FLNC: variants seen among roughly 807,000 people sequenced by gnomAD.
The protein encoded by FLNC is filamin C, also known as filamin-C.
Under a neutral mutation model 254.3 loss-of-function variants are expected in FLNC, and 91 were observed. That is an observed-to-expected ratio of 0.36 (90% CI 0.30 to 0.43). The LOEUF (loss-of-function observed/expected upper bound fraction) is 0.43, where lower values mean the gene tolerates loss of function less well. Among genes scored for constraint, FLNC ranks in the 20% least tolerant of loss-of-function variants. FLNC has a pLI of 1.00. For synonymous variants in FLNC, 1,430 were observed against 1,577.2 expected (o/e 0.91, Z 2.21); for missense variants, 2,853 against 3,802.6 (o/e 0.75, Z 6.57).
intron 1 of FLNC, among the ~76,000 whole-genome samples, chr7:128,833,186 G>A (rs1362985025): frequency 1.3e-5 from 2 of 152,146 alleles, no homozygotes; most frequent in East Asian, 3.9e-4. Flanking sequence ...AGAGGCCTAT[G>A]AGGCAGCTCT....
In FLNC at chr7:128,844,787, G is replaced by A. The variant is rs781352216; in HGVS notation, c.3322G>A (p.Glu1108Lys). 17 of 1,613,982 alleles carry A rather than the reference G, an allele frequency of 1.1e-5. No homozygotes were observed. The South Asian group carries it at 1.3e-4, about 13-fold the overall frequency. Residue 1108 changes from glutamate to lysine, a missense_variant, in exon 21 of 48, where the codon GAG (glutamate) becomes AAG (lysine). By Grantham distance (56) the Glu-to-Lys change is moderately conservative (BLOSUM62 1). Around this residue, in one of 10 missense-constraint regions of FLNC, gnomAD observed 1,573 missense variants for 1,883.5 expected, o/e 0.84. Transcript: ENST00000325888. ...TVEGPCEAKI[E>K]CQDNGDGSCA... ...AGAGGGCCCCTGCGAGGCCAAGATC[G>A]AGTGCCAGGACAATGGTGATGGCTC... is the stretch of plus-strand genomic sequence containing the variant.
Position 128,837,167 on chromosome 7 carries a change from C to T in FLNC, c.609C>T (p.Cys203=), listed in dbSNP as rs1455396332. 1.3e-6 allele frequency: 2 copies of T among 1,599,470 alleles called. No individual in the cohort carries two copies. Among genetic ancestry groups the T allele is most frequent in the Non-Finnish European group, 1.7e-6 (2 of 1,173,450 alleles). ...CCTCCATCACCTCTCCAGGTCTCTGCCCCGACTGGGAGGCCTGGGACCCCA... is the reference window on the plus strand; with the variant it reads ...CCTCCATCACCTCTCCAGGTCTCTGTCCCGACTGGGAGGCCTGGGACCCCA... ...ALVDNCAPGL[C]PDWEAWDPNQ... Residue 203 remains cysteine (C), a synonymous_variant, in exon 3 of 48, where the codon TGC becomes TGT. Transcript: ENST00000325888.
chr7:128,850,615 T>G (rs1419391640), intron 32 of FLNC, 132 bp downstream of exon 32: 3 of 1,191,788 alleles, frequency 2.5e-6, no homozygotes, highest in Non-Finnish European at 3.7e-6. Flanking sequence ...ACACAGCAAG[T>G]TGGGCAGAGC....
chr7:128,854,231 C>T lies in FLNC; in HGVS notation c.6727+15C>T. 6.2e-7 allele frequency: 1 copy of T among 1,605,214 alleles called. No homozygotes were observed. Among genetic ancestry groups the T allele is most frequent in the Non-Finnish European group, 8.5e-7 (1 of 1,176,256 alleles). Reference sequence around the variant, plus strand: ...GCAGCAGGAGGGTGAGCACCGCACACTGGGCCGGCCGGGTCCTCACGGCGG... The same window carrying T: ...GCAGCAGGAGGGTGAGCACCGCACATTGGGCCGGCCGGGTCCTCACGGCGG... On this transcript the variant is annotated intron_variant, in intron 40 of 47. Transcript: ENST00000325888.
chr7:128,851,206 A>G, intron 33 of FLNC, 26 bp from the exon 34 acceptor site: 1 of 1,613,822 alleles, frequency 6.2e-7, no homozygotes, highest in East Asian at 2.2e-5. Flanking sequence ...ATGCTGACCC[A>G]GCCCCCTTTT....
At chr7:128,843,646 C>A in intron 18 of FLNC, 69 bp downstream of exon 18, 3 of 1,570,392 alleles carry the variant, frequency 1.9e-6, no homozygotes, top group Non-Finnish European at 2.6e-6. Flanking sequence ...CTCCTCCAGT[C>A]CCATGGGACC....
In FLNC at chr7:128,854,086, G is replaced by A. The variant is rs1808944046; in HGVS notation, c.6597G>A (p.Gly2199=). The A allele has an allele frequency of 1.9e-6, 3 of 1,613,042 alleles. No homozygotes were observed. The part of the protein sequence containing the change: ...ERTEISKTRG[G]ETKREVRVEE... ...CGGAGATCAGCAAGACGCGGGGCGG[G>A]GAGACAAAGCGCGAGGTGCGGGTGG... is the stretch of plus-strand genomic sequence containing the variant. Residue 2199 remains glycine, a synonymous_variant, in exon 40 of 48, where the codon GGG becomes GGA. Coordinates refer to ENST00000325888, the MANE Select transcript of FLNC (RefSeq NM_001458.5).
chr7:128,853,181 C>A, intron 37 of FLNC, 150 bp downstream of exon 37: 2 of 835,354 alleles, frequency 2.4e-6, no homozygotes, highest in Non-Finnish European at 4.0e-6. Context: ...GGGCCCCTTG[C>A]GGGAAAGTGA....
At chr7:128,831,049 G>A in intron 1 of FLNC, 60 bp downstream of exon 1, 1 of 1,539,984 alleles carries the variant, frequency 6.5e-7, no homozygotes. Context: ...ATGGGGCAGG[G>A]GCACAGGTGC....
Position 128,853,615 on chromosome 7 carries a change from G to A in FLNC, c.6355G>A (p.Val2119Met), listed in dbSNP as rs748095197. ...CAACATCAAGTTTGCTGACAAGCACGTGCCTGGTAAGGCTCTGGGCAGAGG... is the reference window on the plus strand; with the variant it reads ...CAACATCAAGTTTGCTGACAAGCACATGCCTGGTAAGGCTCTGGGCAGAGG... ...IINIKFADKH[V>M]PGSPFTVKVT... The change falls in exon 38 of 48, where the codon GTG becomes ATG. Residue 2119 changes from valine (V) to methionine (M), a missense_variant. Physicochemically the swap from Val to Met is conservative, Grantham distance 21. Coordinates refer to ENST00000325888, the MANE Select transcript of FLNC (RefSeq NM_001458.5). 5.0e-6 allele frequency: 8 copies of A among 1,614,154 alleles called. No individual in the cohort carries two copies. The African/African-American group carries it at 5.3e-5, about 11-fold the overall frequency.
chr7:128,850,928 G>A lies in FLNC; in HGVS notation c.5524G>A (p.Gly1842Ser), dbSNP rs756880490. Reference protein sequence around the residue: ...GLHQMGIKYDGNHIPGSPLQF... With the variant: ...GLHQMGIKYDSNHIPGSPLQF... ...GCACCAGATGGGGATCAAGTATGACGGCAACCACATCCCTGGTGAGTTAGG... is the reference window on the plus strand; with the variant it reads ...GCACCAGATGGGGATCAAGTATGACAGCAACCACATCCCTGGTGAGTTAGG... The change falls in exon 33 of 48, where the codon GGC (glycine) becomes AGC (serine). Residue 1842 changes from glycine (G) to serine (S), a missense_variant. Gly to Ser is a moderately conservative substitution (Grantham distance 56). Around this residue, in one of 10 missense-constraint regions of FLNC, gnomAD observed 258 missense variants for 312.3 expected, o/e 0.83. Coordinates refer to ENST00000325888, the MANE Select transcript of FLNC (RefSeq NM_001458.5). The A allele has an allele frequency of 9.9e-6, 16 of 1,613,566 alleles. No homozygotes were observed. The highest frequency in any genetic ancestry group is 8.0e-5 in the African/African-American group (6 of 74,848).
At position 128,854,049 on chromosome 7, in the gene FLNC, G is replaced by T; in HGVS notation, c.6560G>T (p.Arg2187Leu). The change falls in exon 40 of 48, where the codon CGC becomes CTC. Residue 2187 changes from arginine (R) to leucine (L), a missense_variant. Around this residue, in one of 10 missense-constraint regions of FLNC, gnomAD observed 551 missense variants for 835.0 expected, o/e 0.66. Transcript: ENST00000325888. ...TFTRSSHTYT[R>L]TERTEISKTR... Reference sequence around the variant, plus strand: ...ACACGCAGCAGCCACACCTACACCCGCACGGAGCGCACGGAGATCAGCAAG... The same window carrying T: ...ACACGCAGCAGCCACACCTACACCCTCACGGAGCGCACGGAGATCAGCAAG... 2 of 1,613,160 alleles carry T rather than the reference G, an allele frequency of 1.2e-6. No individual in the cohort carries two copies. Among genetic ancestry groups the T allele is most frequent in the Non-Finnish European group, 1.7e-6 (2 of 1,179,968 alleles).
At chr7:128,853,361 A>C (rs577750085) in intron 37 of FLNC, 108 bp from the exon 38 acceptor site, 8 of 1,405,152 alleles carry the variant, frequency 5.7e-6, no homozygotes, top group Non-Finnish European at 7.9e-6. Flanking sequence ...AGTGGTCACT[A>C]CACACATCGG....
Position 128,841,110 on chromosome 7 carries a change from T to C in FLNC, c.1814-60T>C. 1 of 1,596,844 alleles carries C rather than the reference T, an allele frequency of 6.3e-7. No homozygotes were observed. Among genetic ancestry groups the C allele is most frequent in the African/African-American group, 1.3e-5 (1 of 74,654 alleles). ...GACATGAGGGCAGCTAGAGGGGAGCTGGGGGACGGAAGGGTCTTGCCTGAT... is the reference window on the plus strand; with the variant it reads ...GACATGAGGGCAGCTAGAGGGGAGCCGGGGGACGGAAGGGTCTTGCCTGAT... On this transcript the variant is annotated intron_variant, in intron 11 of 47. Transcript: ENST00000325888. The surrounding 1 kb of genome is among the most constrained non-coding windows in gnomAD (Gnocchi z 4.3).
Position 128,858,707 on chromosome 7 carries a change from AC to A in FLNC, c.*186del, listed in dbSNP as rs926868357. ...CCCACCGCGCCCCAGGGGTTGGAGGACCTTGTCTGTGTCAGGACAGTGTCCC... is the reference window on the plus strand; with the variant it reads ...CCCACCGCGCCCCAGGGGTTGGAGGACTTGTCTGTGTCAGGACAGTGTCCC... On this transcript the variant is annotated 3_prime_UTR_variant, in exon 48 of 48. Transcript: ENST00000325888. The surrounding 1 kb of genome is among the most constrained non-coding windows in gnomAD (Gnocchi z 6.7). 1.6e-5 allele frequency: 10 copies of A among 622,018 alleles called. No individual in the cohort carries two copies. In the African/African-American group the frequency reaches 1.8e-4, roughly 11 times the overall value. 38.5% of individuals were successfully genotyped at this position (622,018 alleles called of 1,614,324 possible). A position where few individuals can be genotyped will look rare whatever the true frequency, so the allele number is the denominator to read the frequency against.
chr7:128,849,942 C>T, intron 30 of FLNC, 34 bp from the exon 31 acceptor site: 3 of 1,447,692 alleles, frequency 2.1e-6, no homozygotes, highest in South Asian at 2.4e-5. Flanking sequence ...TGTGAGGCTG[C>T]CACACCCTGT....
In FLNC at chr7:128,853,621, G is replaced by A. The variant is rs1328507446; in HGVS notation, c.6361G>A (p.Gly2121Arg). ...CAAGTTTGCTGACAAGCACGTGCCT[G>A]GTAAGGCTCTGGGCAGAGGTCGGTG... ...NIKFADKHVP[G>R]SPFTVKVTGE... is the part of the protein sequence containing the mutation. The change falls in exon 38 of 48, where the codon GGA becomes AGA. Residue 2121 changes from glycine (G) to arginine (R), a missense_variant and splice_region_variant. Transcript: ENST00000325888. The A allele has an allele frequency of 3.7e-6, 6 of 1,614,034 alleles. No homozygotes were observed. Among genetic ancestry groups the A allele is most frequent in the Non-Finnish European group, 5.1e-6 (6 of 1,180,030 alleles).
intron 32 of FLNC, 76 bp from the exon 33 acceptor site, chr7:128,850,726 CA>C: frequency 6.2e-7 from 1 of 1,602,380 alleles, no homozygotes; most frequent in East Asian, 2.3e-5. Context: ...CAGAAGCACT[CA>C]GGACCAGGCC....
Position 128,837,722 on chromosome 7 carries a change from C to G in FLNC, c.936C>G (p.Val312=). 6.3e-7 allele frequency: 1 copy of G among 1,598,750 alleles called. No homozygotes were observed. Among genetic ancestry groups the G allele is most frequent in the Non-Finnish European group, 8.5e-7 (1 of 1,173,486 alleles). Residue 312 remains valine (V), a synonymous_variant, in exon 5 of 48, where the codon GTC becomes GTG. Coordinates refer to ENST00000325888, the MANE Select transcript of FLNC (RefSeq NM_001458.5). ...ACGCGGGCGTGGGCGAGGTGCTGGT[C>G]TACATCGAGGACCCTGAAGGCCACA... The part of the protein sequence containing the change: ...TVDAGVGEVL[V]YIEDPEGHTE...
Sources: gnomAD v4.1 joint callset for allele counts (sites outside exome capture counted in the v4.1 genomes callset) on GRCh38, gnomAD v4.1.1 for gene constraint, gnomAD v4.1.1 regional missense constraint, Gnocchi (gnomAD v3.1) non-coding constraint, MANE v1.5 for transcripts, NCBI Gene and HGNC (gene_info 2026-07-23, HGNC 2026-07-21) for gene names.